The following SRPK1 variants were observed in gnomAD, a reference collection of about 807,000 sequenced individuals.
The protein encoded by SRPK1 is SFRS protein kinase 1.
Under a neutral mutation model 89.5 loss-of-function variants are expected in SRPK1, and 52 were observed. That is an observed-to-expected ratio of 0.58 (90% confidence interval 0.46 to 0.73). The LOEUF is 0.73. Among genes scored for constraint, SRPK1 ranks in the 30% least tolerant of loss-of-function variants. The probability of loss-of-function intolerance (pLI) is 0.00; values close to 1 mark genes in which losing one functional copy is unlikely to be tolerated. For missense variants in SRPK1, 603 were observed against 780.6 expected (o/e 0.77, Z 2.71); for synonymous variants, 255 against 270.2 (o/e 0.94, Z 0.55).
intron 6 of SRPK1, among the ~76,000 whole-genome samples, chr6:35,885,758 T>C (rs1162362930): frequency 1.3e-5 from 2 of 152,236 alleles, no homozygotes; most frequent in Non-Finnish European, 2.9e-5. Context: ...AAAATCTGAT[T>C]GACCTTTATA....
At chr6:35,880,742 A>AAAAAAAAAAAAAAAAAAGAAAGAAAG in intron 6 of SRPK1, among the ~76,000 whole-genome samples, 7 of 28,188 alleles carry the variant, frequency 2.5e-4, no homozygotes, top group East Asian at 1.0e-3. Flanking sequence ...AAAGAAAAAA[A>AAAAAAAAAAAAAAAAAAGAAAGAAAG]AAAAAAAAGA....
intron 3 of SRPK1, 40 bp downstream of exon 3, chr6:35,890,855 G>T: frequency 6.7e-7 from 1 of 1,494,206 alleles, no homozygotes; most frequent in Non-Finnish European, 8.9e-7. Context: ...ATTGCAAATA[G>T]ATGGCTCATG....
intron 2 of SRPK1, among the ~76,000 whole-genome samples, chr6:35,915,400 C>T (rs531191020): frequency 3.9e-4 from 48 of 122,848 alleles, no homozygotes; most frequent in Non-Finnish European, 6.8e-4. Context: ...GAGCAAGACA[C>T]CGTCTCAAAA....
chr6:35,892,299 A>C (rs1356865457), intron 2 of SRPK1, among the ~76,000 whole-genome samples: 2 of 152,172 alleles, frequency 1.3e-5, no homozygotes, highest in Non-Finnish European at 2.9e-5. Flanking sequence ...GCAGCATAAA[A>C]ACCTGAATTT....
chr6:35,860,963 T>C (rs1010019272), intron 12 of SRPK1, among the ~76,000 whole-genome samples: 1 of 152,106 alleles, frequency 6.6e-6, no homozygotes, highest in Admixed American at 6.6e-5. Flanking sequence ...TAAGCTCTCT[T>C]TGCTTGGTGG....
intron 3 of SRPK1, 49 bp downstream of exon 3, chr6:35,890,846 T>C (rs367907831): frequency 2.6e-5 from 39 of 1,476,718 alleles, no homozygotes; most frequent in South Asian, 1.5e-4. Context: ...AAACGAGAAA[T>C]TGCAAATAGA....
intron 14 of SRPK1, among the ~76,000 whole-genome samples, chr6:35,840,964 T>C (rs1769293853): frequency 6.6e-6 from 1 of 152,154 alleles, no homozygotes; most frequent in African/African-American, 2.4e-5. Flanking sequence ...TCAGGTTTGG[T>C]AGCATAAGGT....
chr6:35,887,033 T>C (rs960739894), intron 5 of SRPK1, among the ~76,000 whole-genome samples: 1 of 152,246 alleles, frequency 6.6e-6, no homozygotes, highest in Admixed American at 6.5e-5. Flanking sequence ...AATTAAACTA[T>C]TTTGCTCCCT....
chr6:35,837,820 A>T (rs2151077221), intron 15 of SRPK1, among the ~76,000 whole-genome samples: 1 of 150,252 alleles, frequency 6.7e-6, no homozygotes, highest in Non-Finnish European at 1.5e-5. Context: ...GGACTCCCAA[A>T]GTGTTGGGAT....
At chr6:35,919,001 AG>A (rs1323852983) in intron 2 of SRPK1, among the ~76,000 whole-genome samples, 2 of 152,256 alleles carry the variant, frequency 1.3e-5, no homozygotes, top group African/African-American at 4.8e-5. Context: ...TTGTATCAAT[AG>A]AAAAGAACGT....
chr6:35,876,863 T>C (rs896809465), intron 6 of SRPK1, among the ~76,000 whole-genome samples: 1 of 152,210 alleles, frequency 6.6e-6, no homozygotes, highest in Admixed American at 6.5e-5. Context: ...CCTTGAGGCT[T>C]TCCAGGTAGA....
At chr6:35,841,225 CAA>C (rs1006668181) in intron 14 of SRPK1, among the ~76,000 whole-genome samples, 1 of 152,068 alleles carries the variant, frequency 6.6e-6, no homozygotes, top group Non-Finnish European at 1.5e-5. Flanking sequence ...CTTATATATA[CAA>C]AATATGTCCA....
chr6:35,912,062 A>G (rs1206860937), intron 2 of SRPK1, among the ~76,000 whole-genome samples: 6 of 152,140 alleles, frequency 3.9e-5, no homozygotes, highest in Non-Finnish European at 7.3e-5. Flanking sequence ...AGCTGGGTGC[A>G]GTGGTTCACA....
At chr6:35,839,295 C>A (rs989444293) in intron 14 of SRPK1, among the ~76,000 whole-genome samples, 1 of 152,154 alleles carries the variant, frequency 6.6e-6, no homozygotes, top group African/African-American at 2.4e-5. Context: ...GGATTACAGG[C>A]CTGAGCCACC....
At chr6:35,879,736 T>C (rs756196435) in intron 6 of SRPK1, among the ~76,000 whole-genome samples, 2 of 152,124 alleles carry the variant, frequency 1.3e-5, no homozygotes, top group Non-Finnish European at 2.9e-5. Flanking sequence ...TGAAAAAGAC[T>C]TGATGCAGAC....
Position 35,886,149 on chromosome 6 carries a change from C to T in SRPK1, c.478+575G>A, listed in dbSNP as rs1339869452. On this transcript the variant is annotated intron_variant, in intron 6 of 15. Transcript: ENST00000373825. ...CGCTGGAGTGCAGTGGGCTCAATCT[C>T]GGCTCACTGCAACCTCTGCCTCCCC... Among the ~76,000 whole-genome samples the T allele has an allele frequency of 2.0e-5, 3 of 150,226 alleles. No homozygotes were observed. In the East Asian group the frequency reaches 5.9e-4, roughly 29 times the overall value.
intron 13 of SRPK1, among the ~76,000 whole-genome samples, chr6:35,848,969 G>A (rs1769480587): frequency 6.6e-6 from 1 of 152,054 alleles, no homozygotes; most frequent in African/African-American, 2.4e-5. Flanking sequence ...AGCCCAGGGA[G>A]CAAAAGTGAA....
chr6:35,910,355 C>G (rs935929822), intron 2 of SRPK1, among the ~76,000 whole-genome samples: 3 of 152,134 alleles, frequency 2.0e-5, no homozygotes, highest in African/African-American at 7.2e-5. Context: ...ACAACATTCT[C>G]TTTAGCCAAA....
chr6:35,871,074 C>A, intron 8 of SRPK1, 115 bp from the exon 9 acceptor site: 3 of 631,868 alleles, frequency 4.7e-6, no homozygotes, highest in South Asian at 3.6e-5. Flanking sequence ...GTCTACATTG[C>A]AGAGAAAACT....
Sources: gnomAD v4.1 joint callset for allele counts (sites outside exome capture counted in the v4.1 genomes callset) on GRCh38, gnomAD v4.1.1 for gene constraint, MANE v1.5 for transcripts, NCBI Gene and HGNC (gene_info 2026-07-23, HGNC 2026-07-21) for gene names.